CAPZA2: variants seen among roughly 807,000 people sequenced by gnomAD.
The protein encoded by CAPZA2 is capping actin protein of muscle Z-line subunit alpha 2.
CAPZA2 carries 13 observed loss-of-function variants against 44.0 expected under a neutral mutation model. The observed-to-expected ratio is 0.30, with a 90% CI of 0.19 to 0.47. The LOEUF (loss-of-function observed/expected upper bound fraction) is 0.47. CAPZA2 is among the 20% of genes least tolerant of loss of function. CAPZA2 has a pLI of 1.00. For synonymous variants in CAPZA2, 94 were observed against 108.2 expected, an observed-to-expected ratio of 0.87 and a Z score of 0.81; for missense variants, 244 against 338.6, an observed-to-expected ratio of 0.72 and a Z score of 2.19.
At chr7:116,907,174 C>A (rs1395612137) in intron 6 of CAPZA2, among the ~76,000 whole-genome samples, 1 of 152,070 alleles carries the variant, frequency 6.6e-6, no homozygotes, top group African/African-American at 2.4e-5. Context: ...GGTTCATGGC[C>A]CAAGGTTGCT....
At chr7:116,895,132 G>A (rs943570446) in intron 3 of CAPZA2, among the ~76,000 whole-genome samples, 7 of 151,948 alleles carry the variant, frequency 4.6e-5, no homozygotes, top group South Asian at 2.1e-4. Flanking sequence ...AACATACAGC[G>A]TTTTTGAACA....
rs182638597 is a variant in CAPZA2, at chr7:116,868,763, G to A, written c.39+6113G>A. Among the ~76,000 whole-genome samples the A allele has an allele frequency of 1.2e-3, 184 of 152,228 alleles. 2 individuals carry two copies. Among genetic ancestry groups the A allele is most frequent in the Non-Finnish European group, 2.2e-3 (151 of 67,998 alleles). ...AGTTTAAAAAAAAATTCTTATTATT[G>A]AGAAGGTAAACTCAAGCAAAAAGCT... is the stretch of plus-strand genomic sequence containing the variant. On this transcript the variant is annotated intron_variant, in intron 1 of 9. Coordinates refer to ENST00000361183, the MANE Select transcript of CAPZA2 (RefSeq NM_006136.3).
At chr7:116,864,276 G>A (rs1359722303) in intron 1 of CAPZA2, among the ~76,000 whole-genome samples, 1 of 152,112 alleles carries the variant, frequency 6.6e-6, no homozygotes, top group Non-Finnish European at 1.5e-5. Context: ...CTCGGTGTGG[G>A]AGTTAATATA....
In CAPZA2 at chr7:116,869,813, TCTC is replaced by T. The variant is rs757365662; in HGVS notation, c.39+7164_39+7166del. On this transcript the variant is annotated intron_variant, in intron 1 of 9. Transcript: ENST00000361183. Reference sequence around the variant, plus strand: ...TAGAGAGCTTCCATCTAAACTTTCTTCTCAGTCACTGCAGTGGTGGGAAGGAAA... The same window carrying T: ...TAGAGAGCTTCCATCTAAACTTTCTTAGTCACTGCAGTGGTGGGAAGGAAA... 4.6e-5 allele frequency among the ~76,000 whole-genome samples: 7 copies of T among 152,328 alleles called. No homozygotes were observed. In the East Asian group the frequency reaches 1.2e-3, roughly 25 times the overall value.
At chr7:116,866,102 A>G (rs1292005568) in intron 1 of CAPZA2, among the ~76,000 whole-genome samples, 1 of 152,140 alleles carries the variant, frequency 6.6e-6, no homozygotes, top group East Asian at 1.9e-4. Context: ...TCCTTTGGCC[A>G]CTGGGTGAAT....
chr7:116,903,644 A>C (rs964934544), intron 4 of CAPZA2, among the ~76,000 whole-genome samples: 88 of 152,200 alleles, frequency 5.8e-4, no homozygotes, highest in African/African-American at 2.1e-3. Context: ...TATGTTTTTA[A>C]ATACTTGGAA....
chr7:116,888,153 T>C lies in CAPZA2; in HGVS notation c.66T>C (p.Ile22=), dbSNP rs138723819. The change falls in exon 2 of 10, where the codon ATT becomes ATC. Residue 22 remains isoleucine, a synonymous_variant. Transcript: ENST00000361183. ...TGCGTATAGCAGCAAAATTCATCAT[T>C]CATGCCCCTCCTGGAGAATTTAATG... ...EKVRIAAKFI[I]HAPPGEFNEV... is the part of the protein sequence containing the mutation. The C allele has an allele frequency of 1.6e-3, 2,627 of 1,611,560 alleles. 4 individuals are homozygous for C. The highest frequency in any genetic ancestry group is 2.4e-3 in the Admixed American group (142 of 59,980).
chr7:116,864,165 G>A (rs1311064776), intron 1 of CAPZA2, among the ~76,000 whole-genome samples: 2 of 152,042 alleles, frequency 1.3e-5, no homozygotes, highest in Non-Finnish European at 2.9e-5. Context: ...AAATTGAGGC[G>A]TGCTAAAAAG....
intron 8 of CAPZA2, among the ~76,000 whole-genome samples, chr7:116,914,577 T>G (rs1791653618): frequency 6.6e-6 from 1 of 152,134 alleles, no homozygotes; most frequent in East Asian, 1.9e-4. Flanking sequence ...TCCTCCTGCC[T>G]CAGCCTCTCT....
rs1350295687 is a variant in CAPZA2, at chr7:116,919,876, A to G, written c.*2009A>G. 1.3e-5 allele frequency: 2 copies of G among 150,666 alleles called. No homozygotes were observed. Among genetic ancestry groups the G allele is most frequent in the Non-Finnish European group, 3.0e-5 (2 of 67,762 alleles). 9.3% of individuals were successfully genotyped at this position (150,666 alleles called of 1,614,324 possible). ...CAAGACTCTGTCTCAAAAAATAATA[A>G]TAATAATAATAATAATATAATTTAG... On this transcript the variant is annotated 3_prime_UTR_variant, in exon 10 of 10. Transcript: ENST00000361183.
intron 1 of CAPZA2, among the ~76,000 whole-genome samples, chr7:116,885,661 C>A (rs1440500089): frequency 2.0e-5 from 3 of 152,174 alleles, no homozygotes; most frequent in Non-Finnish European, 4.4e-5. Context: ...TAGAGTGGCC[C>A]ACAGAACTCA....
Position 116,903,233 on chromosome 7 carries a change from A to AGAGTGT in CAPZA2, c.220-943_220-942insAGTGTG, listed in dbSNP as rs372696249. On this transcript the variant is annotated intron_variant, in intron 4 of 9. Transcript: ENST00000361183. Reference sequence around the variant, plus strand: ...TTGAAAGAAGCCAGATGCAGAGAAGAGTGTGTGTGTGTGTGTGTGTGTGTG... The same window carrying AGAGTGT: ...TTGAAAGAAGCCAGATGCAGAGAAGAGAGTGTGTGTGTGTGTGTGTGTGTGTGTGTG... Among the ~76,000 whole-genome samples the AGAGTGT allele has an allele frequency of 1.8e-3, 259 of 146,438 alleles. 1 individual carries two copies. Among genetic ancestry groups the AGAGTGT allele is most frequent in the African/African-American group, 6.1e-3 (243 of 40,050 alleles).
intron 9 of CAPZA2, among the ~76,000 whole-genome samples, chr7:116,916,857 A>C (rs1791687046): frequency 6.6e-6 from 1 of 152,210 alleles, no homozygotes; most frequent in Non-Finnish European, 1.5e-5. Flanking sequence ...AAAATGTTTC[A>C]AGCTTTGGAA....
intron 4 of CAPZA2, 60 bp downstream of exon 4, chr7:116,898,895 G>T: frequency 1.0e-6 from 1 of 968,970 alleles, no homozygotes. Context: ...TATCCTGCAA[G>T]AGCTGTGAAG....
chr7:116,881,772 C>T (rs943144628), intron 1 of CAPZA2, among the ~76,000 whole-genome samples: 8 of 149,560 alleles, frequency 5.3e-5, no homozygotes, highest in Admixed American at 4.7e-4. Context: ...AATTACATCA[C>T]TAATGCACCT....
chr7:116,883,439 G>C (rs149762220), intron 1 of CAPZA2, among the ~76,000 whole-genome samples: 1 of 152,338 alleles, frequency 6.6e-6, no homozygotes, highest in East Asian at 1.9e-4. Context: ...TACTGTGAGA[G>C]ACATCCTTTC....
Position 116,919,879 on chromosome 7 carries a change from A to G in CAPZA2, c.*2012A>G, listed in dbSNP as rs1278032952. On this transcript the variant is annotated 3_prime_UTR_variant, in exon 10 of 10. Coordinates refer to ENST00000361183, the MANE Select transcript of CAPZA2 (RefSeq NM_006136.3). ...GACTCTGTCTCAAAAAATAATAATA[A>G]TAATAATAATAATATAATTTAGAAC... 6.6e-6 allele frequency: 1 copy of G among 150,476 alleles called. No homozygotes were observed. The highest frequency in any genetic ancestry group is 2.4e-5 in the African/African-American group (1 of 40,990). 9.3% of individuals were successfully genotyped at this position (150,476 alleles called of 1,614,324 possible).
At chr7:116,882,385 G>A (rs1796713114) in intron 1 of CAPZA2, among the ~76,000 whole-genome samples, 1 of 152,038 alleles carries the variant, frequency 6.6e-6, no homozygotes, top group Non-Finnish European at 1.5e-5. Context: ...ATTTCTTTAT[G>A]CCAGTATGGA....
chr7:116,883,350 G>A (rs550911629), intron 1 of CAPZA2, among the ~76,000 whole-genome samples: 2 of 152,246 alleles, frequency 1.3e-5, no homozygotes, highest in South Asian at 2.1e-4. Context: ...CAGCGAGGAG[G>A]AATGTTGAGT....
Sources: gnomAD v4.1 joint callset for allele counts (sites outside exome capture counted in the v4.1 genomes callset) on GRCh38, gnomAD v4.1.1 for gene constraint, MANE v1.5 for transcripts, NCBI Gene and HGNC (gene_info 2026-07-23, HGNC 2026-07-21) for gene names.